NECAP2: variants seen among roughly 807,000 people sequenced by gnomAD.
The protein encoded by NECAP2 is adaptin ear-binding coat-associated protein 2.
In NECAP2, 38 loss-of-function variants were observed where a neutral mutation model predicts 37.8. The ratio of observed to expected loss-of-function variants is 1.01; its 90% confidence interval spans 0.78 to 1.32. The LOEUF is 1.32. NECAP2 is among the 40% of genes most tolerant of loss of function. NECAP2 has a pLI of 0.00. For synonymous variants in NECAP2, 121 were observed against 127.7 expected (o/e 0.95, Z 0.35); for missense variants, 316 against 334.5 (o/e 0.94, Z 0.43).
intron 3 of NECAP2, 32 bp downstream of exon 3, chr1:16,448,006 G>A: frequency 6.2e-7 from 1 of 1,613,816 alleles, no homozygotes; most frequent in Non-Finnish European, 8.5e-7. Flanking sequence ...TCCTCCTCTT[G>A]GGAAAGGTTT....
At chr1:16,457,397 G>T (rs2086936694) in intron 7 of NECAP2, among the ~76,000 whole-genome samples, 4 of 152,074 alleles carry the variant, frequency 2.6e-5, no homozygotes. Flanking sequence ...ATTGCAGTCA[G>T]CTGACATCAT....
intron 1 of NECAP2, among the ~76,000 whole-genome samples, chr1:16,442,737 G>C (rs1280898264): frequency 6.6e-6 from 1 of 152,172 alleles, no homozygotes; most frequent in Non-Finnish European, 1.5e-5. Flanking sequence ...GGACCAGCCT[G>C]GGCAACATAG....
At chr1:16,446,450 G>A (rs955596936) in intron 2 of NECAP2, among the ~76,000 whole-genome samples, 5 of 152,132 alleles carry the variant, frequency 3.3e-5, no homozygotes, top group African/African-American at 9.7e-5. Context: ...TCCCAGCTAC[G>A]TGAGAGGCTG....
At chr1:16,448,555 G>A (rs1317077007) in intron 4 of NECAP2, among the ~76,000 whole-genome samples, 1 of 152,306 alleles carries the variant, frequency 6.6e-6, no homozygotes, top group South Asian at 2.1e-4. Flanking sequence ...TGCAGGGCTC[G>A]AACTCAGGCT....
chr1:16,456,947 C>T (rs991212244), intron 7 of NECAP2, among the ~76,000 whole-genome samples: 3 of 152,144 alleles, frequency 2.0e-5, no homozygotes, highest in African/African-American at 7.2e-5. Context: ...AGCGATCTGC[C>T]TGCCTCGGCC....
At position 16,447,897 on chromosome 1, in the gene NECAP2, A is replaced by G; in HGVS notation, c.221A>G (p.Asp74Gly). ...GAGCTCTTTGCTCAGGCCCCGGTGG[A>G]TCAGTTTCCTGGCACAGCTGTGGAG... ...SGELFAQAPVDQFPGTAVESV... is the reference protein window; with the variant it reads ...SGELFAQAPVGQFPGTAVESV... The change falls in exon 3 of 8, where the codon GAT becomes GGT. Residue 74 changes from aspartate to glycine, a missense_variant. Transcript: ENST00000337132. The G allele has an allele frequency of 3.1e-6, 5 of 1,614,038 alleles. No homozygotes were observed. The highest frequency in any genetic ancestry group is 4.2e-6 in the Non-Finnish European group (5 of 1,179,998).
chr1:16,450,082 C>T (rs1157307032), intron 5 of NECAP2: 2 of 409,988 alleles, frequency 4.9e-6, no homozygotes, highest in Non-Finnish European at 9.8e-6. Context: ...ACTCTTTCTC[C>T]TCTTTTCTGC....
intron 2 of NECAP2, among the ~76,000 whole-genome samples, chr1:16,444,627 C>T (rs148828892): frequency 6.6e-6 from 1 of 152,270 alleles, no homozygotes; most frequent in Non-Finnish European, 1.5e-5. Context: ...TAATGCTTTA[C>T]GGACTGCGAG....
rs2086809303 is a variant in NECAP2 at position 16,449,410 on chromosome 1, A to G, written c.489+209A>G. 19 of 530,468 alleles carry G rather than the reference A, an allele frequency of 3.6e-5. No individual in the cohort carries two copies. The South Asian group carries it at 4.9e-4, about 14-fold the overall frequency. The allele number at this position is 530,468 out of a possible 1,614,324, so 32.9% of individuals were successfully genotyped here. A position where few individuals can be genotyped will look rare whatever the true frequency, so the allele number is the denominator to read the frequency against. ...GCTGAGACAGGCAGGTAAAAATGTG[A>G]TAACAACATGGCAGGAAAGGTTCCA... On this transcript the variant is annotated intron_variant, in intron 5 of 7. Transcript: ENST00000337132.
chr1:16,457,075 A>T (rs1441116193), intron 7 of NECAP2, among the ~76,000 whole-genome samples: 1 of 152,222 alleles, frequency 6.6e-6, no homozygotes, highest in Non-Finnish European at 1.5e-5. Flanking sequence ...CTAGCTACTC[A>T]GTTCTGCTCT....
At chr1:16,448,205 C>T in intron 4 of NECAP2, 64 bp downstream of exon 4, 3 of 1,486,610 alleles carry the variant, frequency 2.0e-6, no homozygotes, top group Non-Finnish European at 2.8e-6. Context: ...GAATGATCTC[C>T]CAGGTTAGGA....
chr1:16,448,953 C>T (rs1484343597), intron 4 of NECAP2, 140 bp from the exon 5 acceptor site: 1 of 612,032 alleles, frequency 1.6e-6, no homozygotes, highest in Non-Finnish European at 2.9e-6. Flanking sequence ...GCCTCACTCC[C>T]AAGCCTGCAC....
At chr1:16,449,222 G>T in intron 5 of NECAP2, 21 bp downstream of exon 5, 1 of 1,569,350 alleles carries the variant, frequency 6.4e-7, no homozygotes, top group Non-Finnish European at 8.7e-7. Context: ...CCCTTGCTTG[G>T]CTGTGGTGAC....
At chr1:16,451,626 G>C (rs1256276805) in intron 5 of NECAP2, 1 of 595,148 alleles carries the variant, frequency 1.7e-6, no homozygotes, top group Non-Finnish European at 3.0e-6. Flanking sequence ...TGAAGTGGGG[G>C]TGCTGGGTTT....
chr1:16,455,835 T>C lies in NECAP2; in HGVS notation c.685T>C (p.Trp229Arg), dbSNP rs761293396. Residue 229 changes from tryptophan to arginine, a missense_variant, in exon 7 of 8, where the codon TGG becomes CGG. Physicochemically the swap from Trp to Arg is moderately radical, Grantham distance 101. Around this residue, in one of 3 missense-constraint regions of NECAP2, gnomAD observed 204 missense variants for 188.6 expected, o/e 1.08. Transcript: ENST00000337132. ...APSSGGAPVP[W>R]PQPNPATADI... ...ATCAATAGGAGGTGCTCCTGTACCC[T>C]GGCCACAGCCCAATCCTGCCACTGC... 40 of 1,614,000 alleles carry C rather than the reference T, an allele frequency of 2.5e-5. No individual in the cohort carries two copies. The Middle Eastern group carries it at 6.6e-4, about 27-fold the overall frequency.
At chr1:16,451,513 T>C (rs2086842301) in intron 5 of NECAP2, 2 of 309,176 alleles carry the variant, frequency 6.5e-6, no homozygotes, top group Non-Finnish European at 1.2e-5. Context: ...GCGTGAATGG[T>C]TACTTCATAT....
rs1557688428 is a variant in NECAP2 at position 16,449,214 on chromosome 1, CT to C, written c.489+15del. 1 of 1,585,988 alleles carries C rather than the reference CT, an allele frequency of 6.3e-7. No individual in the cohort carries two copies. The highest frequency in any genetic ancestry group is 1.1e-5 in the South Asian group (1 of 88,536). On this transcript the variant is annotated intron_variant, in intron 5 of 7. Coordinates refer to ENST00000337132, the MANE Select transcript of NECAP2 (RefSeq NM_018090.5). ...GCTCAACATCGCAGTGAGTTCTACCCTTGCTTGGCTGTGGTGACGTGATACT... is the reference window on the plus strand; with the variant it reads ...GCTCAACATCGCAGTGAGTTCTACCCTGCTTGGCTGTGGTGACGTGATACT...
intron 5 of NECAP2, chr1:16,450,263 GTTTTGTT>G (rs745504938): frequency 0.015 from 5,545 of 365,644 alleles, 194 homozygotes; most frequent in African/African-American, 0.092. Context: ...TTTTTGTTTT[GTTTTGTT>G]TTTTGTTTTG....
chr1:16,442,282 A>T, intron 1 of NECAP2, among the ~76,000 whole-genome samples: 1 of 151,860 alleles, frequency 6.6e-6, no homozygotes, highest in Non-Finnish European at 1.5e-5. Context: ...CCGGCCCCCT[A>T]TTGGGTCTTT....
Sources: allele counts gnomAD v4.1 joint callset (sites outside exome capture counted in the v4.1 genomes callset), GRCh38; gene constraint gnomAD v4.1.1; regional missense constraint gnomAD v4.1.1; transcripts MANE v1.5; gene names NCBI Gene and HGNC (gene_info 2026-07-23, HGNC 2026-07-21).